ELMOD1: variants seen among roughly 807,000 people sequenced by gnomAD.
ELMOD1 encodes ELMO domain-containing protein 1.
ELMOD1 carries 21 observed loss-of-function variants against 46.7 expected under a neutral mutation model. That is an observed-to-expected ratio of 0.45 (90% confidence interval 0.32 to 0.65). ELMOD1 has a LOEUF of 0.65. Ranked by LOEUF, ELMOD1 falls within the 30% of genes least tolerant of loss-of-function variation. ELMOD1 has a pLI of 0.04. For synonymous variants in ELMOD1, 122 were observed against 138.2 expected, an observed-to-expected ratio of 0.88 and a Z score of 0.82; for missense variants, 348 against 407.8, an observed-to-expected ratio of 0.85 and a Z score of 1.26.
intron 1 of ELMOD1, among the ~76,000 whole-genome samples, chr11:107,609,477 A>G (rs933184111): frequency 6.6e-6 from 1 of 152,200 alleles, no homozygotes; most frequent in African/African-American, 2.4e-5. Flanking sequence ...TCAAGATTTT[A>G]AAGAAAGGAG....
intron 11 of ELMOD1, 30 bp downstream of exon 11, chr11:107,656,096 T>C: frequency 6.5e-7 from 1 of 1,549,982 alleles, no homozygotes; most frequent in Non-Finnish European, 8.7e-7. Context: ...ATTATCAATA[T>C]AGGTTTCTAC....
chr11:107,598,978 A>G (rs926052865), intron 1 of ELMOD1, among the ~76,000 whole-genome samples: 4 of 152,226 alleles, frequency 2.6e-5, no homozygotes, highest in Admixed American at 2.6e-4. Flanking sequence ...CACAACACTG[A>G]GAAAGGCACA....
intron 2 of ELMOD1, among the ~76,000 whole-genome samples, chr11:107,622,422 C>A (rs1475200705): frequency 2.0e-5 from 3 of 152,178 alleles, no homozygotes; most frequent in Admixed American, 6.5e-5. Flanking sequence ...AGCATGGCAA[C>A]ATTTTCACCC....
At chr11:107,662,740 C>CA (rs1380254087) in intron 11 of ELMOD1, among the ~76,000 whole-genome samples, 2 of 151,836 alleles carry the variant, frequency 1.3e-5, no homozygotes, top group Non-Finnish European at 2.9e-5. Context: ...ACCTGGCCAA[C>CA]ATGGTGAAAC....
At chr11:107,647,326 G>C (rs1261517089) in intron 6 of ELMOD1, 142 bp from the exon 7 acceptor site, 1 of 582,104 alleles carries the variant, frequency 1.7e-6, no homozygotes, top group African/African-American at 1.9e-5. Flanking sequence ...CTCTTTCATT[G>C]TCATAGATGA....
intron 1 of ELMOD1, among the ~76,000 whole-genome samples, chr11:107,610,370 T>C (rs1260737357): frequency 6.6e-6 from 1 of 152,090 alleles, no homozygotes; most frequent in Non-Finnish European, 1.5e-5. Context: ...ATTACACAAA[T>C]AAAACGTCAA....
In ELMOD1 at chr11:107,602,068, G is replaced by A. The variant is rs571872962; in HGVS notation, c.-86+10659G>A. Among the ~76,000 whole-genome samples, 430 of 152,312 alleles carry A rather than the reference G, an allele frequency of 2.8e-3. 2 individuals carry two copies. The highest frequency in any genetic ancestry group is 4.9e-3 in the Admixed American group (75 of 15,300). On this transcript the variant is annotated intron_variant, in intron 1 of 11. Transcript: ENST00000265840. ...AAAAGGCATACTTGAAAGATACATG[G>A]AAGGTCTTGTATGTCTGAAATTGTC...
chr11:107,657,077 C>T (rs1187665097), intron 11 of ELMOD1, among the ~76,000 whole-genome samples: 1 of 152,056 alleles, frequency 6.6e-6, no homozygotes, highest in African/African-American at 2.4e-5. Context: ...TAAGCACCTA[C>T]ATAATAGATT....
chr11:107,618,253 C>T, intron 2 of ELMOD1, 47 bp downstream of exon 2: 1 of 1,545,964 alleles, frequency 6.5e-7, no homozygotes, highest in Non-Finnish European at 8.8e-7. Context: ...GTGGGAGAAA[C>T]CTCCTCACTG....
At chr11:107,615,985 CTTTTTTTTTTTTT>C (rs57135460) in intron 1 of ELMOD1, among the ~76,000 whole-genome samples, 66 of 74,058 alleles carry the variant, frequency 8.9e-4, no homozygotes, top group African/African-American at 3.6e-3. Flanking sequence ...CAGGTTTTTC[CTTTTTTTTTTTTT>C]TTTTTTTTTT....
intron 7 of ELMOD1, 149 bp downstream of exon 7, chr11:107,647,750 A>C (rs1472525679): frequency 1.3e-6 from 1 of 764,692 alleles, no homozygotes; most frequent in Non-Finnish European, 1.9e-6. Flanking sequence ...AGGTTCATAA[A>C]ATGTTAAAAG....
chr11:107,603,018 G>A (rs1430471475), intron 1 of ELMOD1, among the ~76,000 whole-genome samples: 2 of 152,088 alleles, frequency 1.3e-5, no homozygotes, highest in African/African-American at 4.8e-5. Flanking sequence ...GAGTTGAGTG[G>A]GAGAAGAAGG....
chr11:107,633,847 T>C (rs1866183330), intron 5 of ELMOD1, among the ~76,000 whole-genome samples: 1 of 152,188 alleles, frequency 6.6e-6, no homozygotes, highest in African/African-American at 2.4e-5. Context: ...TGGCTAGTGC[T>C]ATGGTGCCCT....
intron 1 of ELMOD1, chr11:107,593,303 C>T (rs1272346644): frequency 6.6e-6 from 1 of 152,106 alleles, no homozygotes; most frequent in African/African-American, 2.4e-5. Context: ...TACTTGCAGC[C>T]AGGACTTAAC....
At chr11:107,609,916 T>C (rs1462471797) in intron 1 of ELMOD1, among the ~76,000 whole-genome samples, 1 of 152,214 alleles carries the variant, frequency 6.6e-6, no homozygotes. Flanking sequence ...TTTATTTTAG[T>C]TAAAAATAAA....
At chr11:107,663,496 TA>T (rs34343554) in intron 11 of ELMOD1, among the ~76,000 whole-genome samples, 33,908 of 143,770 alleles carry the variant, frequency 0.24, 7,476 homozygotes, top group African/African-American at 0.58. Context: ...TTAATAAACT[TA>T]AAAAAAAAAA....
intron 5 of ELMOD1, 87 bp from the exon 6 acceptor site, chr11:107,635,549 T>C: frequency 5.4e-6 from 7 of 1,300,444 alleles, no homozygotes; most frequent in Non-Finnish European, 7.3e-6. Context: ...ATATGAAAAG[T>C]TCTATCATGC....
At chr11:107,652,027 G>A (rs1866534834) in intron 9 of ELMOD1, among the ~76,000 whole-genome samples, 1 of 152,174 alleles carries the variant, frequency 6.6e-6, no homozygotes, top group Non-Finnish European at 1.5e-5. Flanking sequence ...GTGTAGTCAT[G>A]TATATAAAAT....
Position 107,650,359 on chromosome 11 carries a change from A to G in ELMOD1, c.579A>G (p.Thr193=). Residue 193 remains threonine (T), a synonymous_variant, in exon 8 of 12, where the codon ACA becomes ACG. Coordinates refer to ENST00000265840, the MANE Select transcript of ELMOD1 (RefSeq NM_018712.4). ...GGTATTTCGCGGAAAGGGATGCCACAGCAGCTCAGCAGGTCCTGTCTGACT... is the reference window on the plus strand; with the variant it reads ...GGTATTTCGCGGAAAGGGATGCCACGGCAGCTCAGCAGGTCCTGTCTGACT... The part of the protein sequence containing the change: ...NLQYFAERDA[T]AAQQVLSDSL... The G allele has an allele frequency of 6.3e-7, 1 of 1,592,104 alleles. No individual in the cohort carries two copies. Among genetic ancestry groups the G allele is most frequent in the South Asian group, 1.2e-5 (1 of 86,848 alleles).
Sources: gnomAD v4.1 joint callset for allele counts (sites outside exome capture counted in the v4.1 genomes callset) on GRCh38, gnomAD v4.1.1 for gene constraint, MANE v1.5 for transcripts, NCBI Gene and HGNC (gene_info 2026-07-23, HGNC 2026-07-21) for gene names.